Variants in OCA2 observed in about 807,000 individuals in gnomAD.
OCA2 encodes the protein OCA2 melanosomal transmembrane protein.
Under a neutral mutation model 100.2 loss-of-function variants are expected in OCA2, and 77 were observed. That is an observed-to-expected ratio of 0.77 (90% CI 0.64 to 0.93). OCA2 has a LOEUF of 0.93. Ranked by LOEUF, OCA2 falls within the 40% of genes least tolerant of loss-of-function variation. The pLI is 0.00. For missense variants in OCA2, 1,062 were observed against 1,089.1 expected, an observed-to-expected ratio of 0.98 and a Z score of 0.35; for synonymous variants, 432 against 439.2, an observed-to-expected ratio of 0.98 and a Z score of 0.21.
chr15:27,964,994 C>G (rs1390465699), intron 15 of OCA2, among the ~76,000 whole-genome samples: 2 of 152,154 alleles, frequency 1.3e-5, no homozygotes, highest in African/African-American at 4.8e-5. Context: ...ATCTGTGTAT[C>G]CCAAATTCAT....
chr15:27,854,930 T>G (rs1228163661), intron 21 of OCA2, among the ~76,000 whole-genome samples: 1 of 152,148 alleles, frequency 6.6e-6, no homozygotes, highest in Non-Finnish European at 1.5e-5. Context: ...GGCAATGTCT[T>G]CAAGCTTAGT....
chr15:27,892,871 T>C (rs922133828), intron 19 of OCA2, among the ~76,000 whole-genome samples: 3 of 152,118 alleles, frequency 2.0e-5, no homozygotes, highest in South Asian at 2.1e-4. Context: ...AGGAATGAAA[T>C]AGGAAATTTT....
chr15:27,847,340 G>T (rs1402832993), intron 22 of OCA2, among the ~76,000 whole-genome samples: 2 of 152,182 alleles, frequency 1.3e-5, no homozygotes, highest in Non-Finnish European at 2.9e-5. Flanking sequence ...ACTGTTCTCG[G>T]CCTCTCCCTC....
In OCA2 at chr15:28,087,919, A is replaced by G. The variant is rs758553685; in HGVS notation, c.-21-6024T>C. Among the ~76,000 whole-genome samples, 14 of 152,210 alleles carry G rather than the reference A, an allele frequency of 9.2e-5. 1 individual carries two copies. The Middle Eastern group carries it at 0.01, about 111-fold the overall frequency. On this transcript the variant is annotated intron_variant, in intron 1 of 23. Coordinates refer to ENST00000354638, the MANE Select transcript of OCA2 (RefSeq NM_000275.3). Reference sequence around the variant, plus strand: ...TCTATTGAAAATACAAAAAATAGCCAGGCGTGGTGGCAGACACCTGTAATC... The same window carrying G: ...TCTATTGAAAATACAAAAAATAGCCGGGCGTGGTGGCAGACACCTGTAATC...
At chr15:27,861,245 G>A (rs1002511394) in intron 21 of OCA2, among the ~76,000 whole-genome samples, 2 of 152,188 alleles carry the variant, frequency 1.3e-5, no homozygotes, top group African/African-American at 2.4e-5. Context: ...GAGCAACTGA[G>A]AGAACGGAGT....
At chr15:28,088,559 G>A (rs759139505) in intron 1 of OCA2, among the ~76,000 whole-genome samples, 13 of 152,134 alleles carry the variant, frequency 8.5e-5, no homozygotes, top group Admixed American at 2.6e-4. Flanking sequence ...CCTAAGTGTC[G>A]GCTGGTCTGA....
intron 2 of OCA2, among the ~76,000 whole-genome samples, chr15:28,068,846 G>A (rs975923344): frequency 1.3e-5 from 2 of 152,268 alleles, no homozygotes; most frequent in East Asian, 1.9e-4. Context: ...AAAACTGTAT[G>A]ATCATCTCAA....
At chr15:27,989,573 C>G (rs1160071739) in intron 11 of OCA2, 28 bp downstream of exon 11, 1 of 1,601,666 alleles carries the variant, frequency 6.2e-7, no homozygotes, top group South Asian at 1.1e-5. Context: ...GGCGTGGAGC[C>G]CAGTCCCACG....
At chr15:27,809,980 A>G (rs559166922) in intron 23 of OCA2, among the ~76,000 whole-genome samples, 1 of 152,346 alleles carries the variant, frequency 6.6e-6, no homozygotes, top group Non-Finnish European at 1.5e-5. Flanking sequence ...TTCCCATCAA[A>G]ATGCGAACAC....
At chr15:27,995,053 G>C (rs2141053147) in intron 9 of OCA2, among the ~76,000 whole-genome samples, 3 of 152,274 alleles carry the variant, frequency 2.0e-5, no homozygotes, top group Middle Eastern at 3.4e-3. Context: ...CTGATAAAAT[G>C]GTCAATTCAA....
intron 9 of OCA2, among the ~76,000 whole-genome samples, chr15:28,000,592 A>C (rs748371874): frequency 6.6e-6 from 1 of 152,214 alleles, no homozygotes; most frequent in Non-Finnish European, 1.5e-5. Context: ...CCCAGGTAAC[A>C]AAAGCAAAAA....
At chr15:28,085,666 C>T (rs2044764802) in intron 1 of OCA2, among the ~76,000 whole-genome samples, 2 of 150,392 alleles carry the variant, frequency 1.3e-5, no homozygotes, top group Non-Finnish European at 3.0e-5. Flanking sequence ...CCCGCCCAGA[C>T]TGCACTGTTG....
intron 19 of OCA2, among the ~76,000 whole-genome samples, chr15:27,913,794 G>A (rs1269291731): frequency 8.8e-6 from 1 of 114,262 alleles, no homozygotes; most frequent in Non-Finnish European, 1.8e-5. Flanking sequence ...AAACCTAGCA[G>A]AGACACAACA....
chr15:28,005,546 A>G (rs1373988895), intron 9 of OCA2, among the ~76,000 whole-genome samples: 2 of 152,020 alleles, frequency 1.3e-5, no homozygotes, highest in Admixed American at 6.6e-5. Context: ...CCCAAATCCC[A>G]TGAACAGGAC....
intron 21 of OCA2, among the ~76,000 whole-genome samples, chr15:27,853,680 G>A (rs942595610): frequency 2.0e-5 from 3 of 151,894 alleles, no homozygotes; most frequent in African/African-American, 7.3e-5. Context: ...GCCTGCCTCC[G>A]GGAGGCTCCG....
At chr15:27,775,071 T>C (rs1309298610) in intron 23 of OCA2, among the ~76,000 whole-genome samples, 1 of 138,464 alleles carries the variant, frequency 7.2e-6, no homozygotes, top group Non-Finnish European at 1.6e-5. Flanking sequence ...CTCGTGTGTG[T>C]GTGTGTGTGT....
At position 27,973,308 on chromosome 15, in the gene OCA2, G is replaced by A. The variant is rs540568752; in HGVS notation, c.1504-6486C>T. The stretch of plus-strand genomic sequence containing the variant: ...ATAGGTTTTCTTCTAGAATTTTTAT[G>A]GTTTCAAGTCTTAGATTTAAGTCTT... On this transcript the variant is annotated intron_variant, in intron 14 of 23. Coordinates refer to ENST00000354638, the MANE Select transcript of OCA2 (RefSeq NM_000275.3). Among the ~76,000 whole-genome samples the A allele has an allele frequency of 1.6e-4, 25 of 152,178 alleles. 1 individual carries two copies. The South Asian group carries it at 5.0e-3, about 30-fold the overall frequency.
Position 28,093,928 on chromosome 15 carries a change from T to C in OCA2, c.-22+5296A>G, listed in dbSNP as rs576346400. 2.0e-5 allele frequency among the ~76,000 whole-genome samples: 3 copies of C among 152,258 alleles called. No homozygotes were observed. In the East Asian group the frequency reaches 5.8e-4, roughly 29 times the overall value. ...GGAACAGGTTAGTGGTTGTCCGGGG[T>C]TGAGTAGGGGCTCTCGTTCCACCTC... On this transcript the variant is annotated intron_variant, in intron 1 of 23. Coordinates refer to ENST00000354638, the MANE Select transcript of OCA2 (RefSeq NM_000275.3).
At chr15:27,739,033 T>C in the OCA2 span, among the ~76,000 whole-genome samples, 2 of 152,160 alleles carry the variant, frequency 1.3e-5, no homozygotes, top group Non-Finnish European at 2.9e-5. Flanking sequence ...TGAGGTTGAC[T>C]CAGTGGCGGA....
Sources: allele counts gnomAD v4.1 joint callset (sites outside exome capture counted in the v4.1 genomes callset), GRCh38; gene constraint gnomAD v4.1.1; transcripts MANE v1.5; gene names NCBI Gene and HGNC (gene_info 2026-07-23, HGNC 2026-07-21).